Variants in CRNKL1 observed in about 807,000 individuals in gnomAD.
CRNKL1 encodes crooked neck-like protein 1.
In CRNKL1, 35 loss-of-function variants were observed where a neutral mutation model predicts 103.7. The ratio of observed to expected loss-of-function variants is 0.34; its 90% CI spans 0.26 to 0.45. The LOEUF (loss-of-function observed/expected upper bound fraction) is 0.45, where lower values mean the gene tolerates loss of function less well. CRNKL1 is among the 20% of genes least tolerant of loss of function. The probability of loss-of-function intolerance (pLI) is 1.00; values close to 1 mark genes in which losing one functional copy is unlikely to be tolerated. For synonymous variants in CRNKL1, 267 were observed against 282.6 expected (o/e 0.94, Z 0.55); for missense variants, 645 against 836.0 (o/e 0.77, Z 2.82).
chr20:20,039,101 C>T (rs542904807), intron 11 of CRNKL1, among the ~76,000 whole-genome samples: 1 of 152,300 alleles, frequency 6.6e-6, no homozygotes, highest in Non-Finnish European at 1.5e-5. Context: ...GTGAGTTCTA[C>T]GACTCATGTG....
At chr20:20,052,758 GCT>G (rs775954893), upstream of CRNKL1, 4 of 1,554,920 alleles carry the variant, frequency 2.6e-6, no homozygotes, top group Admixed American at 7.7e-5. Flanking sequence ...CAATCTGGAT[GCT>G]CGAGGGCGGG....
intron 11 of CRNKL1, chr20:20,038,747 G>A: frequency 3.7e-6 from 1 of 269,864 alleles, no homozygotes; most frequent in South Asian, 6.4e-5. Context: ...CATCTCCCAG[G>A]TACTCCATAT....
At chr20:20,037,885 G>A (rs1421153187) in intron 12 of CRNKL1, among the ~76,000 whole-genome samples, 3 of 152,024 alleles carry the variant, frequency 2.0e-5, no homozygotes, top group Non-Finnish European at 2.9e-5. Flanking sequence ...TCAAGAGATC[G>A]AGACCATCCT....
rs1400081696 is a variant in CRNKL1, at chr20:20,035,905, A to AAGT, written c.*287_*289dup. The AAGT allele has an allele frequency of 3.6e-6, 1 of 277,050 alleles. No individual in the cohort carries two copies. The highest frequency in any genetic ancestry group is 4.8e-5 in the Admixed American group (1 of 20,984). The allele number at this position is 277,050 out of a possible 1,614,324, so 17.2% of individuals were successfully genotyped here. A position where few individuals can be genotyped will look rare whatever the true frequency, so the allele number is the denominator to read the frequency against. On this transcript the variant is annotated 3_prime_UTR_variant, in exon 14 of 14. Transcript: ENST00000536226. Reference sequence around the variant, plus strand: ...ACTATCTTTATGGGTATGACATGAAAAGTAACTGTAGAATGTTACCTTAAT... The same window carrying AAGT: ...ACTATCTTTATGGGTATGACATGAAAAGTAGTAACTGTAGAATGTTACCTTAAT...
chr20:20,052,692 A>T (rs1206103145), upstream of CRNKL1: 15 of 1,612,608 alleles, frequency 9.3e-6, no homozygotes, highest in Non-Finnish European at 1.2e-5. Context: ...TGACCAGGCG[A>T]GGACGAGTGG....
At chr20:20,038,703 GCTTGA>G (rs2043462868) in intron 11 of CRNKL1, 4 of 339,290 alleles carry the variant, frequency 1.2e-5, no homozygotes, top group Non-Finnish European at 2.1e-5. Flanking sequence ...TTTTTCAAAT[GCTTGA>G]CTTATCAAGA....
chr20:20,051,927 T>C (rs2043754437), intron 1 of CRNKL1, among the ~76,000 whole-genome samples: 1 of 152,146 alleles, frequency 6.6e-6, no homozygotes, highest in Non-Finnish European at 1.5e-5. Flanking sequence ...CATATTCTAC[T>C]TTGCCTCTCG....
At chr20:20,038,259 AACCC>A in intron 12 of CRNKL1, 86 bp downstream of exon 12, 1 of 810,296 alleles carries the variant, frequency 1.2e-6, no homozygotes, top group Non-Finnish European at 1.9e-6. Context: ...AAAAAACAAA[AACCC>A]AAACACTTAA....
rs569744749 is a variant in CRNKL1 at position 20,045,441 on chromosome 20, C to T, written c.668G>A (p.Arg223His). 35 of 1,612,578 alleles carry T rather than the reference C, an allele frequency of 2.2e-5. No individual in the cohort carries two copies. The highest frequency in any genetic ancestry group is 4.5e-5 in the East Asian group (2 of 44,830). ...PDVKNWIKYARFEEKHAYFAH... is the reference protein window; with the variant it reads ...PDVKNWIKYAHFEEKHAYFAH... The stretch of plus-strand genomic sequence containing the variant: ...AAAATAAGCATGTTTTTCTTCAAAG[C>T]GGGCATACTTGATCCAGTTCTTAAC... The change falls in exon 6 of 14, where the codon CGC becomes CAC. Residue 223 changes from arginine (R) to histidine (H), a missense_variant. This residue lies in a region of CRNKL1 where 582 missense variants were observed against 707.7 expected (regional missense o/e 0.82). Coordinates refer to ENST00000536226, the MANE Select transcript of CRNKL1 (RefSeq NM_001278628.2).
At position 20,034,415 on chromosome 20, in the gene CRNKL1, GGA is replaced by G. The variant is rs1174437338; in HGVS notation, c.*1778_*1779del. 1.3e-5 allele frequency: 2 copies of G among 149,936 alleles called. No homozygotes were observed. The highest frequency in any genetic ancestry group is 6.6e-5 in the Admixed American group (1 of 15,210). 9.3% of individuals were successfully genotyped at this position (149,936 alleles called of 1,614,324 possible). ...ATTTACTTTGGTGGAGTTGAGGGTG[GGA>G]GAGAAATGAATCTTTATGTTCTCCT... On this transcript the variant is annotated 3_prime_UTR_variant, in exon 14 of 14. Coordinates refer to ENST00000536226, the MANE Select transcript of CRNKL1 (RefSeq NM_001278628.2).
chr20:20,048,278 T>G, intron 4 of CRNKL1, 65 bp downstream of exon 4: 1 of 1,547,670 alleles, frequency 6.5e-7, no homozygotes, highest in South Asian at 1.1e-5. Context: ...GTAAATAAAA[T>G]AAATACAGAA....
At position 20,047,871 on chromosome 20, in the gene CRNKL1, A is replaced by T; in HGVS notation, c.516T>A (p.Phe172Leu). Reference protein sequence around the residue: ...LGNVAGARQVFERWMEWQPEE... With the variant: ...LGNVAGARQVLERWMEWQPEE... ...CAGGCTGCCACTCCATCCAGCGCTCAAACACCTGCCGGGCACCGGCAACGT... is the reference window on the plus strand; with the variant it reads ...CAGGCTGCCACTCCATCCAGCGCTCTAACACCTGCCGGGCACCGGCAACGT... The change falls in exon 5 of 14, where the codon TTT becomes TTA. Residue 172 changes from phenylalanine to leucine, a missense_variant. Phe to Leu is a conservative substitution (Grantham distance 22, BLOSUM62 0). Around this residue, in one of 2 missense-constraint regions of CRNKL1, gnomAD observed 582 missense variants for 707.7 expected, o/e 0.82. Transcript: ENST00000536226. 1 of 1,614,260 alleles carries T rather than the reference A, an allele frequency of 6.2e-7. No individual in the cohort carries two copies. The highest frequency in any genetic ancestry group is 8.5e-7 in the Non-Finnish European group (1 of 1,180,048).
At chr20:20,038,500 G>GC (rs1303307933) in intron 11 of CRNKL1, 50 bp from the exon 12 acceptor site, 1 of 1,066,278 alleles carries the variant, frequency 9.4e-7, no homozygotes, top group Non-Finnish European at 1.4e-6. Flanking sequence ...AAAGCAGCAT[G>GC]CCCCCATCCA....
upstream of CRNKL1, chr20:20,052,578 G>C (rs1208764365): frequency 9.3e-6 from 15 of 1,613,792 alleles, no homozygotes; most frequent in Non-Finnish European, 1.2e-5. Flanking sequence ...CGGCGTCCTG[G>C]AGCTGCGGAT....
intron 12 of CRNKL1, 115 bp from the exon 13 acceptor site, chr20:20,037,686 T>C (rs1413013998): frequency 2.1e-6 from 2 of 938,442 alleles, no homozygotes; most frequent in African/African-American, 1.7e-5. Context: ...TGTGCATCAC[T>C]AATGTTTCAC....
At chr20:20,036,602 T>C (rs1179045335) in intron 13 of CRNKL1, among the ~76,000 whole-genome samples, 2 of 152,236 alleles carry the variant, frequency 1.3e-5, no homozygotes, top group African/African-American at 4.8e-5. Context: ...AGCTCCTCTA[T>C]AGCCAACCAA....
At chr20:20,054,226 G>A (rs997501248), upstream of CRNKL1, among the ~76,000 whole-genome samples, 5 of 151,486 alleles carry the variant, frequency 3.3e-5, no homozygotes, top group Admixed American at 2.6e-4. Context: ...GTATGAAATT[G>A]TCTTTATTTT....
At chr20:20,036,969 CCTT>C (rs1404961340) in intron 13 of CRNKL1, among the ~76,000 whole-genome samples, 6 of 152,218 alleles carry the variant, frequency 3.9e-5, no homozygotes, top group African/African-American at 9.6e-5. Context: ...CCACCAAACT[CCTT>C]CTTACCGCCT....
intron 9 of CRNKL1, 46 bp downstream of exon 9, chr20:20,041,520 G>A (rs2043513827): frequency 1.4e-6 from 2 of 1,391,184 alleles, no homozygotes; most frequent in African/African-American, 2.8e-5. Flanking sequence ...AGTAACAGAA[G>A]AGGATTCTGA....
Sources: gnomAD v4.1 joint callset for allele counts (sites outside exome capture counted in the v4.1 genomes callset) on GRCh38, gnomAD v4.1.1 for gene constraint, gnomAD v4.1.1 regional missense constraint, MANE v1.5 for transcripts, NCBI Gene and HGNC (gene_info 2026-07-23, HGNC 2026-07-21) for gene names.